Variants in CNTN3 observed in about 807,000 individuals in gnomAD.
CNTN3 encodes the protein contactin-3.
In CNTN3, 60 loss-of-function variants were observed where a neutral mutation model predicts 119.1. The ratio of observed to expected loss-of-function variants is 0.50; its 90% CI spans 0.41 to 0.62. The LOEUF is 0.62. CNTN3 is among the 20% of genes least tolerant of loss of function. The pLI is 0.00. For synonymous variants in CNTN3, 450 were observed against 438.7 expected, an observed-to-expected ratio of 1.03 and a Z score of -0.32; for missense variants, 1,101 against 1,242.4, an observed-to-expected ratio of 0.89 and a Z score of 1.71.
intron 13 of CNTN3, among the ~76,000 whole-genome samples, chr3:74,317,499 T>C (rs1440208802): frequency 6.6e-6 from 1 of 151,874 alleles, no homozygotes; most frequent in Non-Finnish European, 1.5e-5. Flanking sequence ...CCATGTTTAG[T>C]GCTTCCTTCA....
chr3:74,483,005 AAAC>A (rs1348885136), intron 4 of CNTN3, among the ~76,000 whole-genome samples: 2 of 152,118 alleles, frequency 1.3e-5, no homozygotes, highest in South Asian at 2.1e-4. Flanking sequence ...CATGAATATT[AAAC>A]AACATTTTTT....
At chr3:74,361,391 G>A (rs1391556040) in intron 11 of CNTN3, among the ~76,000 whole-genome samples, 1 of 152,168 alleles carries the variant, frequency 6.6e-6, no homozygotes, top group Non-Finnish European at 1.5e-5. Context: ...CAGAGTCTGT[G>A]CTTTTCACTA....
chr3:74,364,245 G>A (rs996732417), intron 10 of CNTN3, among the ~76,000 whole-genome samples: 7 of 152,040 alleles, frequency 4.6e-5, no homozygotes, highest in South Asian at 4.1e-4. Flanking sequence ...TCCTACTGTC[G>A]ATTAACTTAA....
chr3:74,580,002 G>A (rs1014479523), intron 1 of CNTN3, among the ~76,000 whole-genome samples: 3 of 152,050 alleles, frequency 2.0e-5, no homozygotes, highest in African/African-American at 7.2e-5. Flanking sequence ...CTGCTGAAAG[G>A]GAAAGGAACA....
chr3:74,290,872 T>C (rs903696129), intron 19 of CNTN3, among the ~76,000 whole-genome samples: 1 of 151,872 alleles, frequency 6.6e-6, no homozygotes, highest in African/African-American at 2.4e-5. Flanking sequence ...TTTGTATTTT[T>C]ATTTATTTAT....
intron 5 of CNTN3, among the ~76,000 whole-genome samples, chr3:74,407,307 T>C: frequency 6.7e-6 from 1 of 149,142 alleles, no homozygotes; most frequent in East Asian, 2.0e-4. Flanking sequence ...TCACTCTTGT[T>C]GCCCAGGCTG....
chr3:74,543,236 T>A (rs189373873), intron 1 of CNTN3, among the ~76,000 whole-genome samples: 1 of 152,276 alleles, frequency 6.6e-6, no homozygotes, highest in African/African-American at 2.4e-5. Flanking sequence ...TAAAATTGAA[T>A]ATAGGAGTAT....
At chr3:74,586,437 A>C (rs1178134454) in intron 1 of CNTN3, among the ~76,000 whole-genome samples, 1 of 152,126 alleles carries the variant, frequency 6.6e-6, no homozygotes, top group African/African-American at 2.4e-5. Flanking sequence ...TTAACCTGCA[A>C]TACTGATGAA....
At chr3:74,367,699 G>A (rs929108517) in intron 8 of CNTN3, among the ~76,000 whole-genome samples, 6 of 151,964 alleles carry the variant, frequency 3.9e-5, no homozygotes, top group East Asian at 3.9e-4. Context: ...AAACTGGGTC[G>A]TGGCCTGATG....
intron 1 of CNTN3, among the ~76,000 whole-genome samples, chr3:74,546,395 G>A (rs902239917): frequency 3.3e-5 from 5 of 152,206 alleles, no homozygotes; most frequent in Admixed American, 2.0e-4. Context: ...GTGTATCTGT[G>A]AGGGTGTTGC....
chr3:74,328,685 C>A (rs911338868), intron 13 of CNTN3, among the ~76,000 whole-genome samples: 1 of 152,102 alleles, frequency 6.6e-6, no homozygotes, highest in Non-Finnish European at 1.5e-5. Context: ...CCTTTATTTG[C>A]CTGGTTGAAT....
intron 10 of CNTN3, among the ~76,000 whole-genome samples, chr3:74,363,294 T>C (rs1455664437): frequency 1.3e-5 from 2 of 152,164 alleles, no homozygotes; most frequent in East Asian, 1.9e-4. Flanking sequence ...AGAGAGCCCA[T>C]TAAAGCAGGG....
chr3:74,392,648 T>C (rs1704943226), intron 5 of CNTN3, among the ~76,000 whole-genome samples: 1 of 152,180 alleles, frequency 6.6e-6, no homozygotes, highest in African/African-American at 2.4e-5. Flanking sequence ...GCTTACATTC[T>C]AGTAGTGGGA....
chr3:74,553,003 G>T (rs1016093119), intron 1 of CNTN3, among the ~76,000 whole-genome samples: 1 of 152,074 alleles, frequency 6.6e-6, no homozygotes, highest in Admixed American at 6.5e-5. Flanking sequence ...TTGTTACATA[G>T]GTATACACGT....
At chr3:74,382,577 T>C (rs1704648550) in intron 5 of CNTN3, among the ~76,000 whole-genome samples, 1 of 152,144 alleles carries the variant, frequency 6.6e-6, no homozygotes, top group Non-Finnish European at 1.5e-5. Flanking sequence ...TTCTAAAAGC[T>C]TGACTTTTCT....
chr3:74,428,275 A>T (rs747880382), intron 4 of CNTN3, among the ~76,000 whole-genome samples: 4 of 152,124 alleles, frequency 2.6e-5, no homozygotes, highest in Admixed American at 1.3e-4. Flanking sequence ...ATTGAAAAAA[A>T]AAAGGTTAAC....
At chr3:74,479,650 C>A (rs1702726610) in intron 4 of CNTN3, among the ~76,000 whole-genome samples, 1 of 151,808 alleles carries the variant, frequency 6.6e-6, no homozygotes, top group Non-Finnish European at 1.5e-5. Flanking sequence ...ACAATGAACA[C>A]CAAGAAAGAC....
At chr3:74,383,905 A>G (rs1704683920) in intron 5 of CNTN3, among the ~76,000 whole-genome samples, 1 of 152,224 alleles carries the variant, frequency 6.6e-6, no homozygotes, top group Non-Finnish European at 1.5e-5. Flanking sequence ...TCACTGAGGC[A>G]GATAGAGTTA....
intron 2 of CNTN3, among the ~76,000 whole-genome samples, chr3:74,516,363 A>T (rs1703451054): frequency 1.3e-5 from 2 of 149,782 alleles, no homozygotes; most frequent in African/African-American, 2.5e-5. Flanking sequence ...TCCCCAGTCT[A>T]CTCAATGTGA....
Sources: gnomAD v4.1 joint callset for allele counts (sites outside exome capture counted in the v4.1 genomes callset) on GRCh38, gnomAD v4.1.1 for gene constraint, MANE v1.5 for transcripts, NCBI Gene and HGNC (gene_info 2026-07-23, HGNC 2026-07-21) for gene names.